ELP2: variants seen among roughly 807,000 people sequenced by gnomAD.
The protein encoded by ELP2 is elongator acetyltransferase complex subunit 2, also known as elongator complex protein 2.
A neutral mutation model predicts 119.2 loss-of-function variants in ELP2; 90 were observed. The ratio of observed to expected loss-of-function variants is 0.75; its 90% CI spans 0.64 to 0.90. The LOEUF is 0.90. ELP2 is among the 40% of genes least tolerant of loss of function. The pLI is 0.00. For synonymous variants in ELP2, 339 were observed against 331.0 expected (o/e 1.02, Z -0.26); for missense variants, 921 against 967.8 (o/e 0.95, Z 0.64).
rs1294132540 is a variant in ELP2 at position 36,175,181 on chromosome 18, C to T, written c.*540C>T. ...CCTCTGTGTGTCCCAATTTAAGAAC[C>T]TCTGTTCTTTCTTCATGACTGGATT... On this transcript the variant is annotated 3_prime_UTR_variant, in exon 22 of 22. Coordinates refer to ENST00000358232, the MANE Select transcript of ELP2 (RefSeq NM_018255.4). 1.3e-5 allele frequency: 2 copies of T among 152,560 alleles called. No individual in the cohort carries two copies. Among genetic ancestry groups the T allele is most frequent in the Non-Finnish European group, 2.9e-5 (2 of 68,352 alleles). 9.5% of individuals were successfully genotyped at this position (152,560 alleles called of 1,614,324 possible). A position where few individuals can be genotyped will look rare whatever the true frequency, so the allele number is the denominator to read the frequency against.
chr18:36,171,013 G>A (rs1539835), intron 20 of ELP2, 34 bp from the exon 21 acceptor site: 95,180 of 1,400,476 alleles, frequency 0.068, 3,795 homozygotes, highest in East Asian at 0.14. Context: ...TTCATGCTAA[G>A]TTAATCACTG....
intron 2 of ELP2, among the ~76,000 whole-genome samples, chr18:36,133,790 G>A (rs1162370971): frequency 6.7e-6 from 1 of 150,172 alleles, no homozygotes; most frequent in Non-Finnish European, 1.5e-5. Flanking sequence ...TTAAGAGACA[G>A]GATCTCTCAC....
intron 16 of ELP2, 28 bp downstream of exon 16, chr18:36,160,043 G>A (rs1261488884): frequency 6.2e-7 from 1 of 1,609,284 alleles, no homozygotes; most frequent in Non-Finnish European, 8.5e-7. Context: ...TAGCTCTTTG[G>A]TCTGATTCTG....
intron 11 of ELP2, 151 bp downstream of exon 11, chr18:36,146,532 T>C (rs974244296): frequency 3.0e-5 from 24 of 809,948 alleles, no homozygotes; most frequent in Non-Finnish European, 4.3e-5. Context: ...TGTTAAGGTA[T>C]TGAAATTTGC....
chr18:36,138,221 A>T, intron 3 of ELP2, 49 bp from the exon 4 acceptor site: 1 of 1,573,508 alleles, frequency 6.4e-7, no homozygotes, highest in African/African-American at 1.4e-5. Flanking sequence ...AAATAAAGGT[A>T]AAAAAAATCC....
Position 36,134,612 on chromosome 18 carries a change from A to T in ELP2, c.217+1296A>T, listed in dbSNP as rs2089761511. On this transcript the variant is annotated intron_variant, in intron 2 of 21. Transcript: ENST00000358232. ...AATTTCTAATGTGGTTAATATTGGT[A>T]CATATGGTTCATATAATCAAAAGCT... is the stretch of plus-strand genomic sequence containing the variant. Among the ~76,000 whole-genome samples, 3 of 152,208 alleles carry T rather than the reference A, an allele frequency of 2.0e-5. No individual in the cohort carries two copies. The South Asian group carries it at 6.2e-4, about 31-fold the overall frequency.
rs1009412877 is a variant in ELP2 at position 36,175,394 on chromosome 18, A to G, written c.*753A>G. On this transcript the variant is annotated 3_prime_UTR_variant, in exon 22 of 22. Transcript: ENST00000358232. The stretch of plus-strand genomic sequence containing the variant: ...GCTCTGTCTTGATCCCCTTCTTTCT[A>G]GCATCTGCCAGACATTGTAGAGTTT... The G allele has an allele frequency of 3.9e-5, 6 of 152,176 alleles. No homozygotes were observed. Among genetic ancestry groups the G allele is most frequent in the Non-Finnish European group, 7.3e-5 (5 of 68,034 alleles). 9.4% of individuals were successfully genotyped at this position (152,176 alleles called of 1,614,324 possible).
At position 36,164,587 on chromosome 18, in the gene ELP2, A is replaced by G; in HGVS notation, c.1874A>G (p.Asn625Ser). The change falls in exon 18 of 22, where the codon AAT becomes AGT. Residue 625 changes from asparagine (N) to serine (S), a missense_variant. Coordinates refer to ENST00000358232, the MANE Select transcript of ELP2 (RefSeq NM_018255.4). ...GTCACGCAGATGGCCTTCTCACCTAATGAGAAGTTCTTACTAGCTGTTTCC... is the reference window on the plus strand; with the variant it reads ...GTCACGCAGATGGCCTTCTCACCTAGTGAGAAGTTCTTACTAGCTGTTTCC... ...LTVTQMAFSP[N>S]EKFLLAVSRD... is the part of the protein sequence containing the mutation. 2 of 1,613,832 alleles carry G rather than the reference A, an allele frequency of 1.2e-6. No individual in the cohort carries two copies. The highest frequency in any genetic ancestry group is 1.1e-5 in the South Asian group (1 of 91,070).
At chr18:36,170,280 C>A in intron 20 of ELP2, 84 bp downstream of exon 20, 17 of 1,503,014 alleles carry the variant, frequency 1.1e-5, no homozygotes, top group Non-Finnish European at 1.5e-5. Context: ...TTTGTGAATT[C>A]TCCTAGCCTC....
At chr18:36,130,798 A>G (rs2089586784) in intron 1 of ELP2, among the ~76,000 whole-genome samples, 1 of 152,342 alleles carries the variant, frequency 6.6e-6, no homozygotes, top group Middle Eastern at 3.4e-3. Context: ...TAAAAAGTAA[A>G]ATGTTGAAAA....
chr18:36,155,126 T>A lies in ELP2; in HGVS notation c.1275+127T>A, dbSNP rs572890450. 715 of 752,278 alleles carry A rather than the reference T, an allele frequency of 9.5e-4. 2 individuals are homozygous for A. The highest frequency in any genetic ancestry group is 1.4e-3 in the Non-Finnish European group (598 of 441,046). The allele number at this position is 752,278 out of a possible 1,614,324, so 46.6% of individuals were successfully genotyped here. A position where few individuals can be genotyped will look rare whatever the true frequency, so the allele number is the denominator to read the frequency against. ...CACCCAGGTTCAAGCGATTCTCCTG[T>A]CTCAGCCTCCCGAGTAGCTGGGATT... On this transcript the variant is annotated intron_variant, in intron 12 of 21. Transcript: ENST00000358232.
rs1176017017 is a variant in ELP2, at chr18:36,161,141, A to G, written c.1761+137A>G. On this transcript the variant is annotated intron_variant, in intron 17 of 21. Transcript: ENST00000358232. Reference sequence around the variant, plus strand: ...TGGTTTTTTGAATCTTACTTTCTCAATTTCTCTTACCCTTCTGTCTCTTCA... The same window carrying G: ...TGGTTTTTTGAATCTTACTTTCTCAGTTTCTCTTACCCTTCTGTCTCTTCA... The G allele has an allele frequency of 4.3e-6, 3 of 705,320 alleles. No individual in the cohort carries two copies. The Admixed American group carries it at 6.5e-5, about 15-fold the overall frequency. The allele number at this position is 705,320 out of a possible 1,614,324, so 43.7% of individuals were successfully genotyped here. A position where few individuals can be genotyped will look rare whatever the true frequency, so the allele number is the denominator to read the frequency against.
chr18:36,160,014 CTG>C lies in ELP2; in HGVS notation c.1688+1_1688+2del. On this transcript the variant is annotated splice_donor_variant and coding_sequence_variant, in exon 16 of 22. Coordinates refer to ENST00000358232, the MANE Select transcript of ELP2 (RefSeq NM_018255.4). LOFTEE classifies it high-confidence loss of function. ...TACTTTGTGGCCTGAAGTTCAAAAACTGTAAGTTAAACTGTATTTAGCTCTTT... is the reference window on the plus strand; with the variant it reads ...TACTTTGTGGCCTGAAGTTCAAAAACTAAGTTAAACTGTATTTAGCTCTTT... 8 of 1,613,780 alleles carry C rather than the reference CTG, an allele frequency of 5.0e-6. No homozygotes were observed. Among genetic ancestry groups the C allele is most frequent in the Non-Finnish European group, 6.8e-6 (8 of 1,179,922 alleles).
At position 36,177,712 on chromosome 18, in the gene ELP2, A is replaced by C. The variant is rs2091257272; in HGVS notation, c.*3071A>C. The C allele has an allele frequency of 6.6e-6, 1 of 152,150 alleles. No homozygotes were observed. The highest frequency in any genetic ancestry group is 6.5e-5 in the Admixed American group (1 of 15,284). The allele number at this position is 152,150 out of a possible 1,614,324, so 9.4% of individuals were successfully genotyped here. A position where few individuals can be genotyped will look rare whatever the true frequency, so the allele number is the denominator to read the frequency against. On this transcript the variant is annotated 3_prime_UTR_variant, in exon 22 of 22. Coordinates refer to ENST00000358232, the MANE Select transcript of ELP2 (RefSeq NM_018255.4). ...ACCATTTCCCAGGATGTAAATCGGT[A>C]CTAAAAAAAAAGTGCTCCAAAGTAA...
chr18:36,172,582 A>G (rs1249087507), intron 21 of ELP2, among the ~76,000 whole-genome samples: 1 of 152,142 alleles, frequency 6.6e-6, no homozygotes, highest in African/African-American at 2.4e-5. Context: ...CAGTTGAACT[A>G]GTTTGTGCTG....
chr18:36,138,993 A>C, intron 5 of ELP2, 121 bp downstream of exon 5: 1 of 795,452 alleles, frequency 1.3e-6, no homozygotes, highest in African/African-American at 1.7e-5. Context: ...ATGAAACAAG[A>C]TGTGAATAAC....
At chr18:36,150,251 C>T (rs2090354659) in intron 11 of ELP2, among the ~76,000 whole-genome samples, 1 of 152,204 alleles carries the variant, frequency 6.6e-6, no homozygotes, top group Admixed American at 6.5e-5. Context: ...ACTAACCCAG[C>T]AGCTCTTGAG....
intron 3 of ELP2, 69 bp downstream of exon 3, chr18:36,136,446 C>A: frequency 7.9e-7 from 1 of 1,258,182 alleles, no homozygotes; most frequent in Non-Finnish European, 1.2e-6. Flanking sequence ...GGTAGAGTTT[C>A]ACTCTGTCAC....
At chr18:36,136,721 T>C (rs1289875522) in intron 3 of ELP2, 3 of 267,328 alleles carry the variant, frequency 1.1e-5, no homozygotes, top group Admixed American at 5.1e-5. Flanking sequence ...TCTTTTATAC[T>C]ACACAGGCCC....
Sources: allele counts gnomAD v4.1 joint callset (sites outside exome capture counted in the v4.1 genomes callset), GRCh38; gene constraint gnomAD v4.1.1; transcripts MANE v1.5; gene names NCBI Gene and HGNC (gene_info 2026-07-23, HGNC 2026-07-21).